ANO10: variants seen among roughly 807,000 people sequenced by gnomAD.
ANO10 encodes anoctamin-10.
A neutral mutation model predicts 74.7 loss-of-function variants in ANO10; 77 were observed. That is an observed-to-expected ratio of 1.03 (90% confidence interval 0.86 to 1.25). ANO10 has a LOEUF of 1.25. ANO10 is among the 50% of genes most tolerant of loss of function. The probability of loss-of-function intolerance (pLI) is 0.00; values close to 1 mark genes in which losing one functional copy is unlikely to be tolerated. For synonymous variants in ANO10, 279 were observed against 284.9 expected (o/e 0.98, Z 0.21); for missense variants, 721 against 778.1 (o/e 0.93, Z 0.87).
chr3:43,514,353 A>T (rs1413785684), intron 11 of ANO10, among the ~76,000 whole-genome samples: 1 of 152,194 alleles, frequency 6.6e-6, no homozygotes, highest in African/African-American at 2.4e-5. Flanking sequence ...ACTTAGTATT[A>T]GATAAAGTAG....
At chr3:43,559,084 A>T (rs976257302) in intron 9 of ANO10, among the ~76,000 whole-genome samples, 1 of 152,236 alleles carries the variant, frequency 6.6e-6, no homozygotes, top group Non-Finnish European at 1.5e-5. Context: ...GTCACCAAAT[A>T]ATTAATGACA....
chr3:43,635,603 ATCTGGTAAGC>A (rs948674759), intron 1 of ANO10, among the ~76,000 whole-genome samples: 21 of 151,002 alleles, frequency 1.4e-4, no homozygotes, highest in Admixed American at 1.3e-3. Context: ...AGTTCGTATA[ATCTGGTAAGC>A]TCTGATCTTT....
intron 8 of ANO10, among the ~76,000 whole-genome samples, chr3:43,562,087 G>C (rs1224078738): frequency 2.6e-5 from 4 of 152,050 alleles, no homozygotes; most frequent in Admixed American, 2.6e-4. Context: ...AATGTATATT[G>C]AGGCAGGGTG....
chr3:43,583,302 C>T (rs1353570194), intron 4 of ANO10, among the ~76,000 whole-genome samples: 1 of 151,954 alleles, frequency 6.6e-6, no homozygotes, highest in African/African-American at 2.4e-5. Context: ...AGGAAGGAGC[C>T]TTACCTTCAA....
chr3:43,626,295 C>CT (rs776440890), upstream of ANO10, among the ~76,000 whole-genome samples: 7,684 of 135,626 alleles, frequency 0.057, 268 homozygotes, highest in African/African-American at 0.068. Flanking sequence ...ATGTTCTTCA[C>CT]TTTTTTTTTT....
At chr3:43,682,079 C>T (rs1423374893) in intron 1 of ANO10, among the ~76,000 whole-genome samples, 4 of 152,082 alleles carry the variant, frequency 2.6e-5, no homozygotes, top group Non-Finnish European at 4.4e-5. Context: ...TAACTATGAC[C>T]AGAGCCGAAC....
At chr3:43,674,784 A>C (rs559083415) in intron 1 of ANO10, among the ~76,000 whole-genome samples, 1 of 152,302 alleles carries the variant, frequency 6.6e-6, no homozygotes, top group East Asian at 1.9e-4. Flanking sequence ...CAAAAGGATC[A>C]TCCCAGTTTG....
chr3:43,619,930 C>G (rs1418645419), intron 1 of ANO10, among the ~76,000 whole-genome samples: 4 of 149,758 alleles, frequency 2.7e-5, no homozygotes, highest in Non-Finnish European at 5.9e-5. Flanking sequence ...AACACATACA[C>G]ACAAAAACTC....
At chr3:43,412,105 C>G (rs906154) in intron 12 of ANO10, among the ~76,000 whole-genome samples, 148,979 of 149,604 alleles carry the variant, frequency 1, 74,180 homozygotes, top group Middle Eastern at 1. Context: ...AATAATAAGG[C>G]TATCTGGATA....
At chr3:43,453,350 T>G (rs946294408) in intron 11 of ANO10, among the ~76,000 whole-genome samples, 1 of 152,144 alleles carries the variant, frequency 6.6e-6, no homozygotes, top group African/African-American at 2.4e-5. Context: ...CGGCTAATTT[T>G]CCGTATTTTT....
At chr3:43,508,943 T>TAAAAAAAAAAAAA (rs35265220) in intron 11 of ANO10, among the ~76,000 whole-genome samples, 3 of 104,690 alleles carry the variant, frequency 2.9e-5, no homozygotes, top group South Asian at 3.5e-4. Flanking sequence ...TAAAGTATAA[T>TAAAAAAAAAAAAA]AAAAAAAAAA....
intron 11 of ANO10, among the ~76,000 whole-genome samples, chr3:43,475,316 T>G (rs1404453253): frequency 6.6e-6 from 1 of 152,170 alleles, no homozygotes; most frequent in Non-Finnish European, 1.5e-5. Context: ...TTTCTTACAG[T>G]TTCTCTCTTT....
Position 43,380,775 on chromosome 3 carries a change from A to AC in ANO10, c.1915-13802dup, listed in dbSNP as rs372370023. Among the ~76,000 whole-genome samples the AC allele has an allele frequency of 4.5e-3, 686 of 152,188 alleles. 5 individuals are homozygous for AC. Among genetic ancestry groups the AC allele is most frequent in the African/African-American group, 0.016 (652 of 41,502 alleles). Reference sequence around the variant, plus strand: ...AATCTCACAGGACCTATAAAACACCACCACAATGAAAAAAACAAGGCATTC... The same window carrying AC: ...AATCTCACAGGACCTATAAAACACCACCCACAATGAAAAAAACAAGGCATTC... On this transcript the variant is annotated intron_variant, in intron 12 of 12. Coordinates refer to ENST00000292246, the MANE Select transcript of ANO10 (RefSeq NM_018075.5).
At chr3:43,375,439 ACT>A (rs1430997767) in intron 12 of ANO10, among the ~76,000 whole-genome samples, 1 of 152,218 alleles carries the variant, frequency 6.6e-6, no homozygotes, top group East Asian at 1.9e-4. Flanking sequence ...CAAGAGGGAA[ACT>A]CTGTCTCAGA....
intron 2 of ANO10, among the ~76,000 whole-genome samples, chr3:43,603,648 T>C (rs559035514): frequency 1.3e-5 from 2 of 152,358 alleles, no homozygotes; most frequent in Non-Finnish European, 2.9e-5. Flanking sequence ...TGATCTTTTA[T>C]TACATGTTCA....
chr3:43,500,963 G>A (rs1011475985), intron 11 of ANO10, among the ~76,000 whole-genome samples: 22 of 152,160 alleles, frequency 1.4e-4, no homozygotes, highest in African/African-American at 4.3e-4. Flanking sequence ...TGGGGAGGGC[G>A]CTGTACGTAC....
intron 7 of ANO10, among the ~76,000 whole-genome samples, chr3:43,571,413 T>G (rs1451215363): frequency 1.3e-5 from 2 of 150,432 alleles, no homozygotes; most frequent in East Asian, 3.9e-4. Context: ...TTATTCACAA[T>G]AGCAAAGACT....
chr3:43,376,566 C>T (rs972574738), intron 12 of ANO10, among the ~76,000 whole-genome samples: 2 of 152,110 alleles, frequency 1.3e-5, no homozygotes, highest in Non-Finnish European at 2.9e-5. Flanking sequence ...TGTGTTATGG[C>T]AACATAGGTA....
chr3:43,377,262 T>A (rs189724319), intron 12 of ANO10, among the ~76,000 whole-genome samples: 1 of 152,062 alleles, frequency 6.6e-6, no homozygotes, highest in Non-Finnish European at 1.5e-5. Flanking sequence ...ATTTTTTGCA[T>A]ATTTTGTAGA....
Sources: allele counts gnomAD v4.1 joint callset (sites outside exome capture counted in the v4.1 genomes callset), GRCh38; gene constraint gnomAD v4.1.1; transcripts MANE v1.5; gene names NCBI Gene and HGNC (gene_info 2026-07-23, HGNC 2026-07-21).